The following TGFA variants were observed in gnomAD, a reference collection of about 807,000 sequenced individuals.
The protein encoded by TGFA is transforming growth factor alpha.
TGFA carries 12 observed loss-of-function variants against 21.7 expected under a neutral mutation model. The ratio of observed to expected loss-of-function variants is 0.55; its 90% CI spans 0.35 to 0.90. The LOEUF (loss-of-function observed/expected upper bound fraction) is 0.90. Among genes scored for constraint, TGFA ranks in the 40% least tolerant of loss-of-function variants. TGFA has a pLI of 0.01. For missense variants in TGFA, 178 were observed against 210.8 expected (o/e 0.84, Z 0.96); for synonymous variants, 79 against 88.1 (o/e 0.90, Z 0.58).
intron 1 of TGFA, among the ~76,000 whole-genome samples, chr2:70,518,306 A>C (rs1406007798): frequency 1.3e-5 from 2 of 152,148 alleles, no homozygotes; most frequent in African/African-American, 4.8e-5. Flanking sequence ...AAAAGAAAAG[A>C]AGGGGGTGGT....
chr2:70,481,520 G>A (rs1341114611), intron 2 of TGFA, among the ~76,000 whole-genome samples: 1 of 152,080 alleles, frequency 6.6e-6, no homozygotes, highest in East Asian at 1.9e-4. Flanking sequence ...CCAAACCTCT[G>A]GGTCTTTGTG....
chr2:70,506,774 G>C (rs1553500194), intron 2 of TGFA, among the ~76,000 whole-genome samples: 1 of 152,174 alleles, frequency 6.6e-6, no homozygotes, highest in African/African-American at 2.4e-5. Context: ...TAAGTATCTT[G>C]CCCAAGGTCT....
At chr2:70,461,291 T>C (rs2103684685) in intron 3 of TGFA, among the ~76,000 whole-genome samples, 1 of 152,302 alleles carries the variant, frequency 6.6e-6, no homozygotes, top group East Asian at 1.9e-4. Context: ...ATGTCATCCT[T>C]CTTAACCCTA....
chr2:70,493,610 G>A (rs1671496173), intron 2 of TGFA, among the ~76,000 whole-genome samples: 2 of 152,176 alleles, frequency 1.3e-5, no homozygotes, highest in African/African-American at 4.8e-5. Context: ...ACCCCAAAAA[G>A]GAAAATGCTA....
At chr2:70,514,798 A>G in intron 2 of TGFA, 61 bp downstream of exon 2, 1 of 1,574,818 alleles carries the variant, frequency 6.3e-7, no homozygotes, top group Non-Finnish European at 8.7e-7. Context: ...GAGGAGCCAC[A>G]CAGCAGCAGG....
At chr2:70,537,342 AG>A (rs1553504597) in intron 1 of TGFA, among the ~76,000 whole-genome samples, 2 of 152,200 alleles carry the variant, frequency 1.3e-5, no homozygotes, top group African/African-American at 4.8e-5. Flanking sequence ...ATGGCCTCTC[AG>A]TTTTGAAGTG....
At chr2:70,493,235 T>A (rs1671486206) in intron 2 of TGFA, among the ~76,000 whole-genome samples, 1 of 152,208 alleles carries the variant, frequency 6.6e-6, no homozygotes, top group Non-Finnish European at 1.5e-5. Context: ...CAGCACTGAC[T>A]GCGGCTTTCT....
intron 2 of TGFA, among the ~76,000 whole-genome samples, chr2:70,480,433 A>G (rs1466365629): frequency 1.3e-5 from 2 of 152,158 alleles, no homozygotes; most frequent in African/African-American, 4.8e-5. Context: ...AATTCTTCAG[A>G]GCTTCTAGTA....
At chr2:70,526,091 C>T (rs1672625919) in intron 1 of TGFA, among the ~76,000 whole-genome samples, 1 of 152,184 alleles carries the variant, frequency 6.6e-6, no homozygotes, top group African/African-American at 2.4e-5. Flanking sequence ...CAGGGCCACT[C>T]ATTAGAGCCT....
intron 2 of TGFA, 147 bp downstream of exon 2, chr2:70,514,712 G>A (rs948694675): frequency 1.5e-5 from 13 of 855,942 alleles, no homozygotes; most frequent in East Asian, 5.3e-5. Flanking sequence ...GCGCCTCCTC[G>A]CCCCTGAGGA....
chr2:70,467,653 G>A (rs184965724), intron 2 of TGFA: 2 of 152,026 alleles, frequency 1.3e-5, no homozygotes, highest in Admixed American at 1.3e-4. Flanking sequence ...TGCCCACTTA[G>A]TTTTTTTGGG....
intron 2 of TGFA, among the ~76,000 whole-genome samples, chr2:70,505,084 T>C (rs1553499950): frequency 6.6e-6 from 1 of 152,250 alleles, no homozygotes; most frequent in Non-Finnish European, 1.5e-5. Flanking sequence ...TGTTAGTTCA[T>C]ATTATTATGT....
chr2:70,534,704 A>ATGT (rs72305432), intron 1 of TGFA, among the ~76,000 whole-genome samples: 1 of 75,586 alleles, frequency 1.3e-5, no homozygotes, highest in African/African-American at 1.0e-4. Flanking sequence ...TTGTTTTTTT[A>ATGT]TATTTCCTAG....
chr2:70,508,048 G>A (rs572945719), intron 2 of TGFA, among the ~76,000 whole-genome samples: 1 of 152,304 alleles, frequency 6.6e-6, no homozygotes, highest in African/African-American at 2.4e-5. Flanking sequence ...GTAAATTAAT[G>A]AAATACCTGT....
intron 2 of TGFA, among the ~76,000 whole-genome samples, chr2:70,486,188 A>G (rs374031671): frequency 2.0e-5 from 3 of 152,204 alleles, no homozygotes; most frequent in Non-Finnish European, 4.4e-5. Flanking sequence ...CCTCCAGCCA[A>G]TATGGCAAAA....
rs568013877 is a variant in TGFA, at chr2:70,551,966, A to G, written c.40+1762T>C. Among the ~76,000 whole-genome samples, 3 of 152,262 alleles carry G rather than the reference A, an allele frequency of 2.0e-5. No individual in the cohort carries two copies. In the South Asian group the frequency reaches 6.2e-4, roughly 32 times the overall value. On this transcript the variant is annotated intron_variant, in intron 1 of 5. Transcript: ENST00000295400. ...TTACTCAAATGTGCTTATCTTCATC[A>G]TTTCCTGCCTCTAATTTTTACCGAA... is the stretch of plus-strand genomic sequence containing the variant.
rs1669932679 is a variant in TGFA at position 70,447,999 on chromosome 2, C to G, written c.*2860G>C. 1 of 152,204 alleles carries G rather than the reference C, an allele frequency of 6.6e-6. No individual in the cohort carries two copies. The highest frequency in any genetic ancestry group is 1.5e-5 in the Non-Finnish European group (1 of 68,028). The allele number at this position is 152,204 out of a possible 1,614,324, so 9.4% of individuals were successfully genotyped here. On this transcript the variant is annotated 3_prime_UTR_variant, in exon 6 of 6. Transcript: ENST00000295400. ...GCAAAACACAATCCCTTGAGAAGCT[C>G]CAGAAGCACAAATTCTCCTCCCTTA...
chr2:70,485,181 TCTTC>T (rs1343570555), intron 2 of TGFA, among the ~76,000 whole-genome samples: 52 of 152,240 alleles, frequency 3.4e-4, no homozygotes, highest in African/African-American at 1.2e-3. Context: ...GCCTTACCGC[TCTTC>T]CTTCTTCTCT....
intron 5 of TGFA, among the ~76,000 whole-genome samples, chr2:70,452,316 G>C (rs528955409): frequency 6.6e-6 from 1 of 152,250 alleles, no homozygotes; most frequent in South Asian, 2.1e-4. Context: ...TTGGATGAAG[G>C]ACTCTTCACC....
Sources: gnomAD v4.1 joint callset for allele counts (sites outside exome capture counted in the v4.1 genomes callset) on GRCh38, gnomAD v4.1.1 for gene constraint, MANE v1.5 for transcripts, NCBI Gene and HGNC (gene_info 2026-07-23, HGNC 2026-07-21) for gene names.